DEPDC7: variants seen among roughly 807,000 people sequenced by gnomAD.
DEPDC7 encodes DEP domain-containing protein 7.
Under a neutral mutation model 56.6 loss-of-function variants are expected in DEPDC7, and 41 were observed. That is an observed-to-expected ratio of 0.72 (90% CI 0.56 to 0.94). The LOEUF (loss-of-function observed/expected upper bound fraction) is 0.94, where lower values mean the gene tolerates loss of function less well. Ranked by LOEUF, DEPDC7 falls within the 40% of genes least tolerant of loss-of-function variation. DEPDC7 has a pLI of 0.00. For synonymous variants in DEPDC7, 185 were observed against 208.8 expected, an observed-to-expected ratio of 0.89 and a Z score of 0.98; for missense variants, 522 against 596.3, an observed-to-expected ratio of 0.88 and a Z score of 1.30.
rs763244162 is a variant in DEPDC7, at chr11:33,033,264, T to C, written c.1345T>C (p.Tyr449His). ...NGRDPNRDAG[Y>H]IYCQRIDQRD... ...ACTTTTTACTTTTAAACTTTAAGGA[T>C]ATATTTATTGCCAGAGAATTGATCA... Residue 449 changes from tyrosine to histidine, a missense_variant and splice_region_variant, in exon 9 of 9, where the codon TAT becomes CAT. Transcript: ENST00000241051. 5.7e-6 allele frequency: 9 copies of C among 1,580,590 alleles called. No homozygotes were observed. In the South Asian group the frequency reaches 1.1e-4, roughly 19 times the overall value.
chr11:33,023,376 C>G (rs1853542654), intron 1 of DEPDC7, among the ~76,000 whole-genome samples: 1 of 152,046 alleles, frequency 6.6e-6, no homozygotes, highest in Non-Finnish European at 1.5e-5. Flanking sequence ...TTCATTTTCA[C>G]TATAAAGATG....
chr11:33,028,561 CTA>C, intron 3 of DEPDC7, 40 bp from the exon 4 acceptor site: 1 of 1,484,756 alleles, frequency 6.7e-7, no homozygotes, highest in Non-Finnish European at 9.1e-7. Context: ...CATATAGTAA[CTA>C]TTAATTGTTA....
intron 1 of DEPDC7, 141 bp downstream of exon 1, chr11:33,016,169 C>T: frequency 7.9e-7 from 1 of 1,259,650 alleles, no homozygotes; most frequent in Non-Finnish European, 9.9e-7. Flanking sequence ...AGCACAGCTG[C>T]GACCACTTGG....
intron 1 of DEPDC7, among the ~76,000 whole-genome samples, chr11:33,023,523 G>A (rs1245131600): frequency 6.6e-6 from 1 of 152,058 alleles, no homozygotes; most frequent in Non-Finnish European, 1.5e-5. Context: ...AGTGCACTAA[G>A]AGGAGTTTTT....
At chr11:33,017,104 C>T (rs973397833) in intron 1 of DEPDC7, among the ~76,000 whole-genome samples, 1 of 152,102 alleles carries the variant, frequency 6.6e-6, no homozygotes, top group Non-Finnish European at 1.5e-5. Context: ...GGTAGAGAAC[C>T]ATTTTTCACT....
At chr11:33,027,919 GAA>G (rs1321026542) in intron 3 of DEPDC7, 106 bp downstream of exon 3, 1 of 1,172,780 alleles carries the variant, frequency 8.5e-7, no homozygotes, top group Admixed American at 3.6e-5. Context: ...AAAGTACAGA[GAA>G]AGAGTGCACT....
chr11:33,025,734 T>A lies in DEPDC7; in HGVS notation c.149T>A (p.Val50Glu). The change falls in exon 2 of 9, where the codon GTG becomes GAG. Residue 50 changes from valine (V) to glutamate (E), a missense_variant. Physicochemically the swap from Val to Glu is moderately radical, Grantham distance 121. Transcript: ENST00000241051. ...SSIINTLQTQ[V>E]EVKKRRHRLK... is the part of the protein sequence containing the mutation. ...ATCATAAACACTCTTCAAACACAAG[T>A]GGAAGTGAAAAAACGAAGGCACCGT... The A allele has an allele frequency of 6.2e-7, 1 of 1,614,094 alleles. No individual in the cohort carries two copies.
Position 33,023,035 on chromosome 11 carries a change from C to G in DEPDC7, c.74-2624C>G, listed in dbSNP as rs182557972. On this transcript the variant is annotated intron_variant, in intron 1 of 8. Coordinates refer to ENST00000241051, the MANE Select transcript of DEPDC7 (RefSeq NM_001077242.2). ...GGTCAGGAGATCGAGACCATCCTGG[C>G]TAACACGATGAAACCCTGTCTCTAC... Among the ~76,000 whole-genome samples, 36 of 152,056 alleles carry G rather than the reference C, an allele frequency of 2.4e-4. No individual in the cohort carries two copies. In the East Asian group the frequency reaches 6.8e-3, roughly 29 times the overall value.
At chr11:33,024,510 AT>A (rs1853556954) in intron 1 of DEPDC7, among the ~76,000 whole-genome samples, 1 of 146,906 alleles carries the variant, frequency 6.8e-6, no homozygotes, top group South Asian at 2.2e-4. Flanking sequence ...TTGTCAGGTG[AT>A]TTCATTGTTG....
chr11:33,033,112 C>A, intron 8 of DEPDC7, 145 bp downstream of exon 8: 2 of 912,384 alleles, frequency 2.2e-6, no homozygotes, highest in Non-Finnish European at 3.3e-6. Context: ...AGCAACTTTA[C>A]AAGTGTTAGA....
chr11:33,016,182 A>G (rs1853457625), intron 1 of DEPDC7, 154 bp downstream of exon 1: 2 of 1,263,632 alleles, frequency 1.6e-6, no homozygotes, highest in Non-Finnish European at 2.0e-6. Context: ...CCACTTGGCC[A>G]ACGCCCCCGC....
At chr11:33,017,587 C>T (rs959786845) in intron 1 of DEPDC7, among the ~76,000 whole-genome samples, 4 of 152,172 alleles carry the variant, frequency 2.6e-5, no homozygotes, top group African/African-American at 9.7e-5. Flanking sequence ...TGCTTGCTAC[C>T]GCTGGAATCC....
chr11:33,030,390 G>C (rs1198518506), intron 4 of DEPDC7, among the ~76,000 whole-genome samples: 1 of 152,118 alleles, frequency 6.6e-6, no homozygotes, highest in Non-Finnish European at 1.5e-5. Flanking sequence ...TCACCTGGCT[G>C]AATTAGTTGT....
At chr11:33,028,049 C>T (rs149546704) in intron 3 of DEPDC7, 60 of 351,290 alleles carry the variant, frequency 1.7e-4, no homozygotes, top group Middle Eastern at 7.5e-4. Context: ...AGGTTCAGAT[C>T]TGAGATGTTT....
At chr11:33,020,806 C>T (rs1409028204) in intron 1 of DEPDC7, among the ~76,000 whole-genome samples, 4 of 152,188 alleles carry the variant, frequency 2.6e-5, no homozygotes, top group Non-Finnish European at 5.9e-5. Context: ...CCTGCCCTGG[C>T]AGTTTAGACC....
At position 33,016,193 on chromosome 11, in the gene DEPDC7, C is replaced by T. The variant is rs546937259; in HGVS notation, c.73+165C>T. The T allele has an allele frequency of 3.0e-3, 3,773 of 1,267,956 alleles. 5 individuals carry two copies. Among genetic ancestry groups the T allele is most frequent in the Non-Finnish European group, 3.6e-3 (3,598 of 1,011,742 alleles). 78.5% of individuals were successfully genotyped at this position (1,267,956 alleles called of 1,614,324 possible). On this transcript the variant is annotated intron_variant, in intron 1 of 8. Transcript: ENST00000241051. Reference sequence around the variant, plus strand: ...GCGACCACTTGGCCAACGCCCCCGCCGAGCGGGCGGATCGAGTTCCTCTCT... The same window carrying T: ...GCGACCACTTGGCCAACGCCCCCGCTGAGCGGGCGGATCGAGTTCCTCTCT...
chr11:33,027,587 T>G (rs1251253513), intron 2 of DEPDC7, 99 bp from the exon 3 acceptor site: 2 of 1,114,698 alleles, frequency 1.8e-6, no homozygotes, highest in Non-Finnish European at 2.4e-6. Context: ...GTGTTTTTGC[T>G]CTGAAATGCA....
intron 1 of DEPDC7, among the ~76,000 whole-genome samples, chr11:33,017,019 T>A (rs1054105625): frequency 2.6e-5 from 4 of 152,264 alleles, no homozygotes; most frequent in African/African-American, 9.6e-5. Context: ...TGGGTGCTTC[T>A]CAGTGGCCCC....
At position 33,015,888 on chromosome 11, in the gene DEPDC7, G is replaced by A. The variant is rs1564962013; in HGVS notation, c.-68G>A. ...GGAGCCACGCCCCGCACAGTTAACAGACGGGCGCTCAGGGAGCTAGGGAGC... is the reference window on the plus strand; with the variant it reads ...GGAGCCACGCCCCGCACAGTTAACAAACGGGCGCTCAGGGAGCTAGGGAGC... On this transcript the variant is annotated 5_prime_UTR_variant, in exon 1 of 9. Transcript: ENST00000241051. 3 of 1,474,424 alleles carry A rather than the reference G, an allele frequency of 2.0e-6. No homozygotes were observed. In the East Asian group the frequency reaches 8.2e-5, roughly 40 times the overall value. The allele number at this position is 1,474,424 out of a possible 1,614,324, so 91.3% of individuals were successfully genotyped here.
Sources: allele counts gnomAD v4.1 joint callset (sites outside exome capture counted in the v4.1 genomes callset), GRCh38; gene constraint gnomAD v4.1.1; transcripts MANE v1.5; gene names NCBI Gene and HGNC (gene_info 2026-07-23, HGNC 2026-07-21).